The following SMPD3 variants were observed in gnomAD, a reference collection of about 807,000 sequenced individuals.
SMPD3 encodes the protein nSMase-2.
In SMPD3, 21 loss-of-function variants were observed where a neutral mutation model predicts 55.7. The ratio of observed to expected loss-of-function variants is 0.38; its 90% CI spans 0.27 to 0.54. The LOEUF is 0.54. Among genes scored for constraint, SMPD3 ranks in the 20% least tolerant of loss-of-function variants. SMPD3 has a pLI of 0.80. For missense variants in SMPD3, 842 were observed against 899.6 expected (o/e 0.94, Z 0.82); for synonymous variants, 457 against 404.3 (o/e 1.13, Z -1.56).
At chr16:68,428,969 GAA>G (rs1344486938) in intron 1 of SMPD3, among the ~76,000 whole-genome samples, 2 of 152,244 alleles carry the variant, frequency 1.3e-5, no homozygotes, top group Non-Finnish European at 1.5e-5. Context: ...CAAGCCAGGG[GAA>G]AGTCAGTCTC....
At chr16:68,362,650 G>A (rs1022677221) in intron 7 of SMPD3, among the ~76,000 whole-genome samples, 3 of 152,240 alleles carry the variant, frequency 2.0e-5, no homozygotes, top group East Asian at 1.9e-4. Flanking sequence ...GGCACCCGGC[G>A]AGGCAGGGCC....
intron 1 of SMPD3, among the ~76,000 whole-genome samples, chr16:68,414,436 G>A (rs2090323937): frequency 6.6e-6 from 1 of 152,254 alleles, no homozygotes; most frequent in African/African-American, 2.4e-5. Context: ...GGTAGGCTCA[G>A]CCTGGTCTCT....
intron 8 of SMPD3, 103 bp from the exon 9 acceptor site, chr16:68,361,410 G>A (rs71393993): frequency 0.042 from 58,104 of 1,391,870 alleles, 1,400 homozygotes; most frequent in Middle Eastern, 0.11. Flanking sequence ...GGGCTGGGGT[G>A]GGCTGGGACC....
chr16:68,365,660 A>G (rs2089457785), intron 3 of SMPD3, among the ~76,000 whole-genome samples: 1 of 151,796 alleles, frequency 6.6e-6, no homozygotes, highest in Admixed American at 6.6e-5. Flanking sequence ...TCCCGTTGTC[A>G]CCCGTCTTGG....
At chr16:68,361,867 G>A (rs975045171) in intron 7 of SMPD3, 108 bp from the exon 8 acceptor site, 3 of 1,324,044 alleles carry the variant, frequency 2.3e-6, no homozygotes, top group Non-Finnish European at 3.0e-6. Flanking sequence ...GCGGGTGGGT[G>A]GGACCAAAGC....
Position 68,372,183 on chromosome 16 carries a change from G to A in SMPD3, c.-2C>T, listed in dbSNP as rs373595156. On this transcript the variant is annotated 5_prime_UTR_variant, in exon 3 of 9. Coordinates refer to ENST00000219334, the MANE Select transcript of SMPD3 (RefSeq NM_018667.4). ...AAAGGGGGTCGTGTACAAAACCATC[G>A]CAGCTCACTGGGCGCCGCAGCCGGC... 13 of 1,610,830 alleles carry A rather than the reference G, an allele frequency of 8.1e-6. No individual in the cohort carries two copies. Among genetic ancestry groups the A allele is most frequent in the Admixed American group, 1.7e-5 (1 of 59,520 alleles).
At position 68,362,456 on chromosome 16, in the gene SMPD3, C is replaced by T. The variant is rs80233095; in HGVS notation, c.1710-697G>A. ...GTTGCCCTGAGACAAGCAGTATGCC[C>T]GTCTGCTTCCTGCCAGCCTGTCCCC... On this transcript the variant is annotated intron_variant, in intron 7 of 8. Transcript: ENST00000219334. Among the ~76,000 whole-genome samples the T allele has an allele frequency of 6.7e-3, 1,017 of 152,328 alleles. 5 individuals are homozygous for T. The highest frequency in any genetic ancestry group is 0.01 in the Non-Finnish European group (695 of 68,032).
intron 1 of SMPD3, among the ~76,000 whole-genome samples, chr16:68,427,415 A>G (rs1339346077): frequency 6.6e-6 from 1 of 152,210 alleles, no homozygotes; most frequent in Non-Finnish European, 1.5e-5. Context: ...TAGTGAAAGA[A>G]TTGGGACCCT....
chr16:68,420,269 T>A (rs2090381365), intron 1 of SMPD3, among the ~76,000 whole-genome samples: 1 of 152,184 alleles, frequency 6.6e-6, no homozygotes, highest in Non-Finnish European at 1.5e-5. Flanking sequence ...ATATCATTAC[T>A]ATAGGCACCT....
chr16:68,361,681 C>A lies in SMPD3; in HGVS notation c.1788G>T (p.Lys596Asn). The A allele has an allele frequency of 6.2e-7, 1 of 1,612,806 alleles. No homozygotes were observed. Among genetic ancestry groups the A allele is most frequent in the South Asian group, 1.1e-5 (1 of 91,064 alleles). ...TSKSSGQKGR[K>N]ELLKGNGRRI... ...GCCGGCCGTTGCCCTTCAGCAGCTC[C>A]TTCCGCCCCTTCTGGCCCGAGCTCT... The change falls in exon 8 of 9, where the codon AAG (lysine) becomes AAT (asparagine). Residue 596 changes from lysine (K) to asparagine (N), a missense_variant. Physicochemically the swap from Lys to Asn is moderately conservative, Grantham distance 94 (BLOSUM62 0). Around this residue, in one of 2 missense-constraint regions of SMPD3, gnomAD observed 649 missense variants for 643.6 expected, o/e 1.01. Coordinates refer to ENST00000219334, the MANE Select transcript of SMPD3 (RefSeq NM_018667.4).
intron 1 of SMPD3, among the ~76,000 whole-genome samples, chr16:68,432,467 CTTAAGT>C (rs1669644682): frequency 6.6e-6 from 1 of 152,134 alleles, no homozygotes; most frequent in African/African-American, 2.4e-5. Flanking sequence ...ATAAAAAGTA[CTTAAGT>C]TTATTTTTGT....
Position 68,371,634 on chromosome 16 carries a change from C to G in SMPD3, c.548G>C (p.Ser183Thr), listed in dbSNP as rs1176588614. 6.4e-7 allele frequency: 1 copy of G among 1,564,106 alleles called. No homozygotes were observed. Among genetic ancestry groups the G allele is most frequent in the Non-Finnish European group, 8.6e-7 (1 of 1,156,332 alleles). ...CTGTGGTGACACCAGGCTGCTGAAGCTAGCGGCGCTGATGGAGGTATTGGT... is the reference window on the plus strand; with the variant it reads ...CTGTGGTGACACCAGGCTGCTGAAGGTAGCGGCGCTGATGGAGGTATTGGT... Reference protein sequence around the residue: ...SPTNTSISAASFSSLVSPQGG... With the variant: ...SPTNTSISAATFSSLVSPQGG... The change falls in exon 3 of 9, where the codon AGC becomes ACC. Residue 183 changes from serine to threonine, a missense_variant. Around this residue, in one of 2 missense-constraint regions of SMPD3, gnomAD observed 193 missense variants for 256.0 expected, o/e 0.75. Coordinates refer to ENST00000219334, the MANE Select transcript of SMPD3 (RefSeq NM_018667.4).
At chr16:68,377,956 T>C (rs180979484) in intron 2 of SMPD3, among the ~76,000 whole-genome samples, 1 of 152,346 alleles carries the variant, frequency 6.6e-6, no homozygotes, top group East Asian at 1.9e-4. Flanking sequence ...GGGGAGCTTC[T>C]GGAAAATTGA....
intron 2 of SMPD3, among the ~76,000 whole-genome samples, chr16:68,382,880 C>T (rs1241335519): frequency 1.3e-5 from 2 of 152,186 alleles, no homozygotes; most frequent in South Asian, 2.1e-4. Context: ...CTCGCTCTGT[C>T]GCCCAGGCTG....
In SMPD3 at chr16:68,371,219, G is replaced by T; in HGVS notation, c.963C>A (p.Ser321Arg). The T allele has an allele frequency of 2.5e-6, 4 of 1,608,654 alleles. No individual in the cohort carries two copies. The highest frequency in any genetic ancestry group is 3.4e-6 in the Non-Finnish European group (4 of 1,177,870). ...CCACCGAGGCCTTGTACAGGAGCTT[G>T]CTGTTGGCACCTGGCTCCCCGCTGG... ...TSASGEPGAN[S>R]KLLYKASVVK... The change falls in exon 3 of 9, where the codon AGC becomes AGA. Residue 321 changes from serine to arginine, a missense_variant. Around this residue, in one of 2 missense-constraint regions of SMPD3, gnomAD observed 649 missense variants for 643.6 expected, o/e 1.01. Coordinates refer to ENST00000219334, the MANE Select transcript of SMPD3 (RefSeq NM_018667.4).
Position 68,395,055 on chromosome 16 carries a change from C to CAT in SMPD3, c.-268-8398_-268-8397dup, listed in dbSNP as rs369908073. ...AGCCCCCCTGGGTGGGAAATGCTTA[C>CAT]ATATATATATATCTTTCCTAAGGGG... On this transcript the variant is annotated intron_variant, in intron 1 of 8. Coordinates refer to ENST00000219334, the MANE Select transcript of SMPD3 (RefSeq NM_018667.4). 6.4e-3 allele frequency among the ~76,000 whole-genome samples: 942 copies of CAT among 146,338 alleles called. 11 individuals are homozygous for CAT. Among genetic ancestry groups the CAT allele is most frequent in the African/African-American group, 0.023 (903 of 39,402 alleles).
Position 68,448,363 on chromosome 16 carries a change from G to A in SMPD3, c.-279C>T, listed in dbSNP as rs1229060248. On this transcript the variant is annotated 5_prime_UTR_variant, in exon 1 of 9. Coordinates refer to ENST00000219334, the MANE Select transcript of SMPD3 (RefSeq NM_018667.4). ...TTCAGCAGCACTGACCTCTGACGGCGGGCGGGAGGGCGGTCAGCGCCCGGC... is the reference window on the plus strand; with the variant it reads ...TTCAGCAGCACTGACCTCTGACGGCAGGCGGGAGGGCGGTCAGCGCCCGGC... 6.6e-6 allele frequency: 1 copy of A among 152,140 alleles called. No homozygotes were observed. The highest frequency in any genetic ancestry group is 1.5e-5 in the Non-Finnish European group (1 of 68,028). 9.4% of individuals were successfully genotyped at this position (152,140 alleles called of 1,614,324 possible).
At chr16:68,427,650 C>T (rs2090446517) in intron 1 of SMPD3, among the ~76,000 whole-genome samples, 1 of 151,994 alleles carries the variant, frequency 6.6e-6, no homozygotes, top group African/African-American at 2.4e-5. Context: ...GACAGCACAA[C>T]CCTAGTGCTA....
intron 2 of SMPD3, among the ~76,000 whole-genome samples, chr16:68,377,465 C>T (rs1319128310): frequency 1.3e-5 from 2 of 152,202 alleles, no homozygotes; most frequent in Non-Finnish European, 2.9e-5. Flanking sequence ...AGTCAATCTG[C>T]AGCCATGAGA....
Sources: allele counts gnomAD v4.1 joint callset (sites outside exome capture counted in the v4.1 genomes callset), GRCh38; gene constraint gnomAD v4.1.1; regional missense constraint gnomAD v4.1.1; transcripts MANE v1.5; gene names NCBI Gene and HGNC (gene_info 2026-07-23, HGNC 2026-07-21).